The following SCRG1 variants were observed in gnomAD, a reference collection of about 807,000 sequenced individuals.
The protein encoded by SCRG1 is scrapie-responsive protein 1.
Under a neutral mutation model 7.7 loss-of-function variants are expected in SCRG1, and 3 were observed. That is an observed-to-expected ratio of 0.39 (90% confidence interval 0.18 to 1.01). The LOEUF is 1.01. Among genes scored for constraint, SCRG1 ranks in the 50% least tolerant of loss-of-function variants. The probability of loss-of-function intolerance (pLI) is 0.36; values close to 1 mark genes in which losing one functional copy is unlikely to be tolerated. For missense variants in SCRG1, 110 were observed against 117.2 expected (o/e 0.94, Z 0.28); for synonymous variants, 46 against 41.2 (o/e 1.12, Z -0.44).
the SCRG1 span, among the ~76,000 whole-genome samples, chr4:173,494,928 T>A: frequency 6.6e-6 from 1 of 152,218 alleles, no homozygotes; most frequent in Non-Finnish European, 1.5e-5. Context: ...CTGCGTAAAC[T>A]TCTTATACCG....
At chr4:173,438,490 A>G in the SCRG1 span, among the ~76,000 whole-genome samples, 1 of 152,010 alleles carries the variant, frequency 6.6e-6, no homozygotes, top group Admixed American at 6.5e-5. Flanking sequence ...GTCATCTGTT[A>G]TATTTATATT....
chr4:173,476,043 C>T, the SCRG1 span, among the ~76,000 whole-genome samples: 1 of 151,768 alleles, frequency 6.6e-6, no homozygotes, highest in Non-Finnish European at 1.5e-5. Context: ...GTACTTAATG[C>T]CATGAACTAT....
chr4:173,384,782 G>A lies in SCRG1; in HGVS notation c.*3559C>T, dbSNP rs920404800. ...TACTGTCAACTTTGTGCTCAGTAAC[G>A]TGGGATTCACAGTAAGAACAATGAT... On this transcript the variant is annotated 3_prime_UTR_variant, in exon 3 of 3. Coordinates refer to ENST00000296506, the MANE Select transcript of SCRG1 (RefSeq NM_007281.4). 4.6e-5 allele frequency: 7 copies of A among 152,166 alleles called. No individual in the cohort carries two copies. The highest frequency in any genetic ancestry group is 1.4e-4 in the African/African-American group (6 of 41,436). The allele number at this position is 152,166 out of a possible 1,614,324, so 9.4% of individuals were successfully genotyped here. A position where few individuals can be genotyped will look rare whatever the true frequency, so the allele number is the denominator to read the frequency against.
the SCRG1 span, among the ~76,000 whole-genome samples, chr4:173,505,155 G>A: frequency 6.6e-6 from 1 of 152,128 alleles, no homozygotes; most frequent in Non-Finnish European, 1.5e-5. The surrounding 1 kb of genome is among the most constrained non-coding windows in gnomAD (Gnocchi z 4.4). Context: ...CTTCACCAGA[G>A]ACAATTAGGG....
the SCRG1 span, among the ~76,000 whole-genome samples, chr4:173,450,229 A>C: frequency 1.3e-5 from 2 of 152,170 alleles, no homozygotes; most frequent in African/African-American, 2.4e-5. Flanking sequence ...CTTGCTCACT[A>C]TCATGAGTAA....
the SCRG1 span, among the ~76,000 whole-genome samples, chr4:173,496,391 A>T: frequency 6.6e-6 from 1 of 152,214 alleles, no homozygotes; most frequent in African/African-American, 2.4e-5. Flanking sequence ...CTAGGTTATT[A>T]GCCTGAGCAC....
the SCRG1 span, among the ~76,000 whole-genome samples, chr4:173,518,210 T>TG: frequency 1.3e-5 from 2 of 152,134 alleles, no homozygotes; most frequent in African/African-American, 4.8e-5. Flanking sequence ...GGGTGGGGCC[T>TG]GGAAATCAGC....
chr4:173,478,076 A>G, the SCRG1 span, among the ~76,000 whole-genome samples: 1 of 152,288 alleles, frequency 6.6e-6, no homozygotes, highest in East Asian at 1.9e-4. Context: ...CCCTGAGGAA[A>G]AAAACTGGGC....
the SCRG1 span, among the ~76,000 whole-genome samples, chr4:173,509,756 T>C: frequency 2.6e-5 from 4 of 151,964 alleles, no homozygotes; most frequent in East Asian, 7.8e-4. The surrounding 1 kb of genome is among the most constrained non-coding windows in gnomAD (Gnocchi z 5.7). Context: ...ATCCAGGAGC[T>C]GAAAGAGATT....
chr4:173,511,165 G>A, the SCRG1 span, among the ~76,000 whole-genome samples: 775 of 152,092 alleles, frequency 5.1e-3, 9 homozygotes, highest in African/African-American at 0.017. The surrounding 1 kb of genome is among the most constrained non-coding windows in gnomAD (Gnocchi z 5.2). Context: ...ACGGGGTGGG[G>A]GGGTGTTTCA....
chr4:173,402,993 T>C (rs1188905119), upstream of SCRG1: 1 of 152,214 alleles, frequency 6.6e-6, no homozygotes, highest in East Asian at 1.9e-4. Context: ...TAACTTATTT[T>C]TGAACTCAGT....
At chr4:173,428,009 A>C in the SCRG1 span, among the ~76,000 whole-genome samples, 9 of 152,218 alleles carry the variant, frequency 5.9e-5, no homozygotes, top group Admixed American at 5.2e-4. Flanking sequence ...AAAGTGTGTA[A>C]ATATCAGAAA....
intron 1 of SCRG1, among the ~76,000 whole-genome samples, chr4:173,394,921 A>G (rs1189846098): frequency 6.6e-6 from 1 of 152,196 alleles, no homozygotes; most frequent in Non-Finnish European, 1.5e-5. Context: ...TATCTTTATC[A>G]ATGAGTTTCA....
At chr4:173,503,540 C>T in the SCRG1 span, among the ~76,000 whole-genome samples, 19 of 152,214 alleles carry the variant, frequency 1.2e-4, no homozygotes, top group Admixed American at 7.2e-4. The surrounding 1 kb of genome is among the most constrained non-coding windows in gnomAD (Gnocchi z 6.4). Flanking sequence ...CCTCGCCATG[C>T]ATGGTGAGTG....
the SCRG1 span, among the ~76,000 whole-genome samples, chr4:173,479,544 G>A: frequency 1.3e-5 from 2 of 149,888 alleles, no homozygotes; most frequent in Admixed American, 6.7e-5. Context: ...GGGTTCAAGC[G>A]ATTCTCCTGC....
the SCRG1 span, among the ~76,000 whole-genome samples, chr4:173,515,292 G>A: frequency 6.6e-6 from 1 of 152,162 alleles, no homozygotes; most frequent in African/African-American, 2.4e-5. This position sits in a 1 kb window ranked among gnomAD's most constrained non-coding sequence, Gnocchi z 4.6. Flanking sequence ...AAATAAAGAT[G>A]TATTCGCAGT....
At chr4:173,502,275 A>G in the SCRG1 span, among the ~76,000 whole-genome samples, 16 of 152,118 alleles carry the variant, frequency 1.1e-4, no homozygotes, top group Non-Finnish European at 1.5e-5. The surrounding 1 kb of genome is among the most constrained non-coding windows in gnomAD (Gnocchi z 4.6). Flanking sequence ...TGGTCCGCGA[A>G]TGGAAGAAAG....
intron 1 of SCRG1, among the ~76,000 whole-genome samples, chr4:173,394,569 A>G (rs1249868225): frequency 6.6e-6 from 1 of 152,108 alleles, no homozygotes; most frequent in Admixed American, 6.5e-5. Context: ...ACTTGAACCC[A>G]GGAGGCAGAG....
the SCRG1 span, among the ~76,000 whole-genome samples, chr4:173,484,420 T>TATTATAC: frequency 1.5e-5 from 1 of 68,326 alleles, no homozygotes; most frequent in Non-Finnish European, 2.5e-5. Flanking sequence ...ATATAATATA[T>TATTATAC]ATTATATATT....
Sources: gnomAD v4.1 joint callset for allele counts (sites outside exome capture counted in the v4.1 genomes callset) on GRCh38, gnomAD v4.1.1 for gene constraint, Gnocchi (gnomAD v3.1) non-coding constraint, MANE v1.5 for transcripts, NCBI Gene and HGNC (gene_info 2026-07-23, HGNC 2026-07-21) for gene names.